Variants in CLDN18 observed in about 807,000 individuals in gnomAD.
The protein encoded by CLDN18 is claudin 18.
In CLDN18, 20 loss-of-function variants were observed where a neutral mutation model predicts 25.0. The observed-to-expected ratio is 0.80, with a 90% CI of 0.56 to 1.16. CLDN18 has a LOEUF of 1.16. CLDN18 is among the 50% of genes most tolerant of loss of function. CLDN18 has a pLI of 0.00. For synonymous variants in CLDN18, 125 were observed against 135.6 expected (o/e 0.92, Z 0.54); for missense variants, 297 against 345.4 (o/e 0.86, Z 1.11).
intron 1 of CLDN18, among the ~76,000 whole-genome samples, chr3:138,000,671 G>A (rs948204166): frequency 6.6e-6 from 1 of 152,156 alleles, no homozygotes; most frequent in Non-Finnish European, 1.5e-5. Context: ...GAGGGACTGG[G>A]TATAAACAGC....
chr3:138,024,688 C>A lies in CLDN18; in HGVS notation c.467C>A (p.Thr156Asn). Reference sequence around the variant, plus strand: ...TGGATGTCCACAGCTAACATGTACACCGGCATGGGTGGGATGGTGCAGACT... The same window carrying A: ...TGGATGTCCACAGCTAACATGTACAACGGCATGGGTGGGATGGTGCAGACT... The part of the protein sequence containing the change: ...NFWMSTANMY[T>N]GMGGMVQTVQ... Residue 156 changes from threonine to asparagine, a missense_variant, in exon 3 of 5, where the codon ACC becomes AAC. By Grantham distance (65) the Thr-to-Asn change is moderately conservative. Transcript: ENST00000183605. The A allele has an allele frequency of 6.2e-7, 1 of 1,612,774 alleles. No individual in the cohort carries two copies. The highest frequency in any genetic ancestry group is 8.5e-7 in the Non-Finnish European group (1 of 1,178,794).
intron 1 of CLDN18, among the ~76,000 whole-genome samples, chr3:138,002,696 A>C (rs756213324): frequency 6.6e-6 from 1 of 152,242 alleles, no homozygotes; most frequent in Non-Finnish European, 1.5e-5. Flanking sequence ...TTAGGCTCAG[A>C]GGGAAGAAGA....
At chr3:138,024,945 T>C (rs1281554253) in intron 3 of CLDN18, among the ~76,000 whole-genome samples, 2 of 152,230 alleles carry the variant, frequency 1.3e-5, no homozygotes, top group African/African-American at 2.4e-5. Context: ...GACATTTGCA[T>C]TGAAATACAG....
intron 1 of CLDN18, among the ~76,000 whole-genome samples, chr3:138,021,977 A>G (rs1206302325): frequency 6.6e-6 from 1 of 152,164 alleles, no homozygotes; most frequent in Non-Finnish European, 1.5e-5. Context: ...AATAATAATA[A>G]CAATGGTGCT....
intron 4 of CLDN18, among the ~76,000 whole-genome samples, chr3:138,030,657 C>T (rs1249702210): frequency 6.6e-6 from 1 of 152,082 alleles, no homozygotes; most frequent in Non-Finnish European, 1.5e-5. Flanking sequence ...CATTAGTTAC[C>T]GAGGATTTGG....
At chr3:138,028,328 G>A (rs960006465) in intron 3 of CLDN18, among the ~76,000 whole-genome samples, 2 of 152,130 alleles carry the variant, frequency 1.3e-5, no homozygotes, top group African/African-American at 4.8e-5. Flanking sequence ...GCCTCCCAAA[G>A]TGCTGGGATT....
chr3:138,024,233 C>G (rs1045630116), intron 2 of CLDN18, among the ~76,000 whole-genome samples: 3 of 151,822 alleles, frequency 2.0e-5, no homozygotes, highest in African/African-American at 7.3e-5. Flanking sequence ...GTTCTCAACC[C>G]TAAAAGAGTC....
chr3:138,018,398 G>A (rs996264285), intron 1 of CLDN18, among the ~76,000 whole-genome samples: 1 of 147,754 alleles, frequency 6.8e-6, no homozygotes, highest in East Asian at 2.0e-4. Context: ...GTGCAGTGGC[G>A]GGATCTCGGC....
In CLDN18 at chr3:138,032,435, A is replaced by T. The variant is rs552367959; in HGVS notation, c.*1294A>T. The T allele has an allele frequency of 8.5e-5, 13 of 152,258 alleles. No individual in the cohort carries two copies. In the South Asian group the frequency reaches 1.0e-3, roughly 12 times the overall value. 9.4% of individuals were successfully genotyped at this position (152,258 alleles called of 1,614,324 possible). A position where few individuals can be genotyped will look rare whatever the true frequency, so the allele number is the denominator to read the frequency against. ...GCGAGATCCTGTCTAAAAAAATAAA[A>T]AATAAATAATGGAACACAGCAAGTC... On this transcript the variant is annotated 3_prime_UTR_variant, in exon 5 of 5. Coordinates refer to ENST00000183605, the MANE Select transcript of CLDN18 (RefSeq NM_016369.4).
chr3:138,018,558 G>A (rs1397537134), intron 1 of CLDN18, among the ~76,000 whole-genome samples: 3 of 151,914 alleles, frequency 2.0e-5, no homozygotes, highest in African/African-American at 4.8e-5. Context: ...GGATGGTCTC[G>A]ATCTCCTGAC....
At chr3:137,998,952 C>T (rs1257556121) in exon 1 of CLDN18, 16 of 1,614,076 alleles carry the variant, frequency 9.9e-6, no homozygotes, top group Non-Finnish European at 1.3e-5. Flanking sequence ...CCTGCATGGA[C>T]CAGTGGAGCA....
intron 3 of CLDN18, among the ~76,000 whole-genome samples, chr3:138,026,010 A>G (rs1489384820): frequency 2.0e-5 from 3 of 152,160 alleles, no homozygotes; most frequent in Non-Finnish European, 4.4e-5. Flanking sequence ...GAATTCTGAA[A>G]GGCCTCCTGA....
chr3:138,033,343 A>G lies in CLDN18; in HGVS notation c.*2202A>G, dbSNP rs1942418934. 6.6e-6 allele frequency: 1 copy of G among 152,262 alleles called. No individual in the cohort carries two copies. Among genetic ancestry groups the G allele is most frequent in the African/African-American group, 2.4e-5 (1 of 41,466 alleles). 9.4% of individuals were successfully genotyped at this position (152,262 alleles called of 1,614,324 possible). ...GGAGGAGGGTTGAGCAATCTAGAGC[A>G]TGGAGTTTGTTAAGTGCTCTCTGGA... On this transcript the variant is annotated 3_prime_UTR_variant, in exon 5 of 5. Transcript: ENST00000183605.
At chr3:138,017,757 G>C (rs921023230) in intron 1 of CLDN18, among the ~76,000 whole-genome samples, 1 of 152,186 alleles carries the variant, frequency 6.6e-6, no homozygotes, top group Non-Finnish European at 1.5e-5. Context: ...CTCTTCAAAA[G>C]AGAAAAATAT....
upstream of CLDN18, among the ~76,000 whole-genome samples, chr3:138,009,482 G>A (rs926697060): frequency 6.6e-6 from 1 of 152,130 alleles, no homozygotes; most frequent in African/African-American, 2.4e-5. Context: ...TCTAGGATTT[G>A]GCTTCGTGTT....
chr3:138,025,205 G>T (rs1413310538), intron 3 of CLDN18, among the ~76,000 whole-genome samples: 1 of 152,216 alleles, frequency 6.6e-6, no homozygotes, highest in Non-Finnish European at 1.5e-5. Context: ...TTCTACAAAT[G>T]TATTGATCAC....
chr3:138,031,511 C>G lies in CLDN18; in HGVS notation c.*370C>G. On this transcript the variant is annotated 3_prime_UTR_variant, in exon 5 of 5. Coordinates refer to ENST00000183605, the MANE Select transcript of CLDN18 (RefSeq NM_016369.4). ...AATAAACCCATTGATGATCTATTTC[C>G]CAGCTTATCCCCAAGAAAACTTTTG... is the stretch of plus-strand genomic sequence containing the variant. 1 of 159,050 alleles carries G rather than the reference C, an allele frequency of 6.3e-6. No individual in the cohort carries two copies. 9.9% of individuals were successfully genotyped at this position (159,050 alleles called of 1,614,324 possible).
At position 138,017,055 on chromosome 3, in the gene CLDN18, C is replaced by CAAA. The variant is rs67937956; in HGVS notation, c.221-6593_221-6591dup. 5.8e-3 allele frequency among the ~76,000 whole-genome samples: 805 copies of CAAA among 139,292 alleles called. 7 individuals are homozygous for CAAA. Among genetic ancestry groups the CAAA allele is most frequent in the East Asian group, 0.015 (69 of 4,738 alleles). The allele number at this position is 139,292 out of a possible 152,430, so 91.4% of individuals were successfully genotyped here. Reference sequence around the variant, plus strand: ...TGGGTGATAGAGTGAGACTCTGTCTCAAAAAAAAAAAACAAAGAAAGAAAG... The same window carrying CAAA: ...TGGGTGATAGAGTGAGACTCTGTCTCAAAAAAAAAAAAAAACAAAGAAAGAAAG... On this transcript the variant is annotated intron_variant, in intron 1 of 4. Coordinates refer to ENST00000183605, the MANE Select transcript of CLDN18 (RefSeq NM_016369.4).
At chr3:138,000,770 C>A (rs1009930030) in intron 1 of CLDN18, among the ~76,000 whole-genome samples, 1 of 152,198 alleles carries the variant, frequency 6.6e-6, no homozygotes, top group South Asian at 2.1e-4. Flanking sequence ...ACCTCTTCCA[C>A]GTTCCCATGT....
Sources: allele counts gnomAD v4.1 joint callset (sites outside exome capture counted in the v4.1 genomes callset), GRCh38; gene constraint gnomAD v4.1.1; transcripts MANE v1.5; gene names NCBI Gene and HGNC (gene_info 2026-07-23, HGNC 2026-07-21).